Variants in CSNK1G3 observed in about 807,000 individuals in gnomAD.
The protein encoded by CSNK1G3 is casein kinase 1 gamma 3.
In CSNK1G3, 23 loss-of-function variants were observed where a neutral mutation model predicts 64.3. That is an observed-to-expected ratio of 0.36 (90% CI 0.26 to 0.51). CSNK1G3 has a LOEUF of 0.51. CSNK1G3 is among the 20% of genes least tolerant of loss of function. The pLI is 0.96. For synonymous variants in CSNK1G3, 158 were observed against 162.2 expected (o/e 0.97, Z 0.20); for missense variants, 357 against 510.5 (o/e 0.70, Z 2.90).
intron 10 of CSNK1G3, among the ~76,000 whole-genome samples, chr5:123,593,237 A>G (rs1178932176): frequency 2.6e-5 from 4 of 151,494 alleles, no homozygotes; most frequent in African/African-American, 9.7e-5. Flanking sequence ...ACATATATAT[A>G]ATATTTAGGC....
rs570640020 is a variant in CSNK1G3, at chr5:123,568,357, C to T, written c.290-5036C>T. Among the ~76,000 whole-genome samples, 51 of 152,248 alleles carry T rather than the reference C, an allele frequency of 3.3e-4. No individual in the cohort carries two copies. In the South Asian group the frequency reaches 8.9e-3, roughly 27 times the overall value. On this transcript the variant is annotated intron_variant, in intron 4 of 12. Transcript: ENST00000345990. ...GCTTTGGAGCTTCTTCTCGGTCCAA[C>T]CACTGGGCTGGTTGTCACCGGTTGT... is the stretch of plus-strand genomic sequence containing the variant.
chr5:123,517,909 T>G (rs1413519697), intron 1 of CSNK1G3, among the ~76,000 whole-genome samples: 1 of 150,372 alleles, frequency 6.7e-6, no homozygotes, highest in Non-Finnish European at 1.5e-5. Context: ...CTTAGAGATT[T>G]ATTTAATAAC....
At chr5:123,613,752 C>A (rs745758643) in intron 12 of CSNK1G3, among the ~76,000 whole-genome samples, 1 of 152,084 alleles carries the variant, frequency 6.6e-6, no homozygotes, top group Non-Finnish European at 1.5e-5. Context: ...ATGGAATCAC[C>A]TCAATTGTGC....
At position 123,608,477 on chromosome 5, in the gene CSNK1G3, C is replaced by T. The variant is rs757796959; in HGVS notation, c.1217+3115C>T. Among the ~76,000 whole-genome samples, 8 of 152,234 alleles carry T rather than the reference C, an allele frequency of 5.3e-5. No homozygotes were observed. The South Asian group carries it at 1.7e-3, about 32-fold the overall frequency. ...ATGATAGCACCTTCATCATTCCTTC[C>T]AGGAACTTAGGAAAACAAAATAATT... On this transcript the variant is annotated intron_variant, in intron 12 of 12. Coordinates refer to ENST00000345990, the Ensembl canonical transcript of CSNK1G3.
intron 4 of CSNK1G3, among the ~76,000 whole-genome samples, chr5:123,568,122 G>T (rs1044425738): frequency 6.6e-6 from 1 of 152,198 alleles, no homozygotes; most frequent in Non-Finnish European, 1.5e-5. Flanking sequence ...TGTGCGGTCG[G>T]TGTTGTGGTG....
chr5:123,520,508 T>C, intron 1 of CSNK1G3, among the ~76,000 whole-genome samples: 1 of 151,688 alleles, frequency 6.6e-6, no homozygotes, highest in South Asian at 2.1e-4. Flanking sequence ...GGGTAGAATC[T>C]TGGGGTGGGA....
chr5:123,591,120 C>T (rs890255579), intron 9 of CSNK1G3, among the ~76,000 whole-genome samples, 199 bp from the exon 10 acceptor site: 15 of 151,988 alleles, frequency 9.9e-5, no homozygotes, highest in African/African-American at 3.6e-4. Context: ...ATTTTAAAAA[C>T]ACTTTAAAAA....
At chr5:123,599,566 A>T (rs1291773310) in intron 10 of CSNK1G3, among the ~76,000 whole-genome samples, 1 of 152,224 alleles carries the variant, frequency 6.6e-6, no homozygotes, top group Admixed American at 6.5e-5. Flanking sequence ...GGAATAGTAG[A>T]TACTATTGTC....
intron 4 of CSNK1G3, among the ~76,000 whole-genome samples, chr5:123,559,751 A>G (rs1785323347): frequency 1.3e-5 from 2 of 149,890 alleles, no homozygotes; most frequent in South Asian, 2.1e-4. Context: ...AGCATTTTTA[A>G]GTACCTTTGT....
chr5:123,534,727 A>G (rs747050549), intron 1 of CSNK1G3, among the ~76,000 whole-genome samples: 18 of 152,218 alleles, frequency 1.2e-4, no homozygotes, highest in Middle Eastern at 3.4e-3. Context: ...CCTCCAGATG[A>G]GAAAGTGTCT....
At chr5:123,543,173 A>G (rs1056487890) in intron 1 of CSNK1G3, among the ~76,000 whole-genome samples, 1 of 151,822 alleles carries the variant, frequency 6.6e-6, no homozygotes, top group Non-Finnish European at 1.5e-5. Context: ...TTGAGACTTG[A>G]GTTTTGTTCT....
At chr5:123,550,960 C>T (rs890274649) in intron 2 of CSNK1G3, among the ~76,000 whole-genome samples, 1 of 152,080 alleles carries the variant, frequency 6.6e-6, no homozygotes, top group South Asian at 2.1e-4. Context: ...AAAGATGATC[C>T]TTTTAGGATT....
intron 1 of CSNK1G3, among the ~76,000 whole-genome samples, chr5:123,533,466 C>A (rs1780280794): frequency 6.6e-6 from 1 of 151,644 alleles, no homozygotes; most frequent in Non-Finnish European, 1.5e-5. Flanking sequence ...TTCTGAGGTC[C>A]CTTTTGGCCC....
At chr5:123,556,179 T>C (rs1034778377) in intron 3 of CSNK1G3, among the ~76,000 whole-genome samples, 16 of 152,230 alleles carry the variant, frequency 1.1e-4, no homozygotes, top group East Asian at 3.9e-4. Flanking sequence ...ATAAAACTTA[T>C]AAGTTTTGCA....
intron 5 of CSNK1G3, among the ~76,000 whole-genome samples, chr5:123,574,830 C>A (rs996701104): frequency 6.6e-6 from 1 of 151,990 alleles, no homozygotes; most frequent in Non-Finnish European, 1.5e-5. Flanking sequence ...TCCCTGCCCC[C>A]ACACACAAAA....
At chr5:123,552,057 G>C (rs1418854513) in intron 2 of CSNK1G3, among the ~76,000 whole-genome samples, 1 of 151,974 alleles carries the variant, frequency 6.6e-6, no homozygotes, top group Admixed American at 6.6e-5. Context: ...TAATTCACTT[G>C]AATTCTTTAC....
intron 4 of CSNK1G3, among the ~76,000 whole-genome samples, chr5:123,564,181 T>C (rs1786358401): frequency 6.6e-6 from 1 of 152,046 alleles, no homozygotes; most frequent in African/African-American, 2.4e-5. Flanking sequence ...AAGTTGTAGT[T>C]TATGGAGAAT....
intron 4 of CSNK1G3, among the ~76,000 whole-genome samples, chr5:123,560,568 T>G (rs1785493007): frequency 6.6e-6 from 1 of 152,170 alleles, no homozygotes; most frequent in Admixed American, 6.5e-5. Flanking sequence ...GGCTCACGCC[T>G]ATAATCCCAG....
At chr5:123,550,830 A>C (rs1783503377) in intron 2 of CSNK1G3, among the ~76,000 whole-genome samples, 1 of 152,158 alleles carries the variant, frequency 6.6e-6, no homozygotes, top group Non-Finnish European at 1.5e-5. Context: ...TGTTTATAAC[A>C]AATACTGATT....
Sources: allele counts gnomAD v4.1 joint callset (sites outside exome capture counted in the v4.1 genomes callset), GRCh38; gene constraint gnomAD v4.1.1; transcripts MANE v1.5; gene names NCBI Gene and HGNC (gene_info 2026-07-23, HGNC 2026-07-21).